BTBD9: variants seen among roughly 807,000 people sequenced by gnomAD.
BTBD9 encodes BTB/POZ domain-containing protein 9.
A neutral mutation model predicts 64.3 loss-of-function variants in BTBD9; 49 were observed. The observed-to-expected ratio is 0.76, with a 90% CI of 0.61 to 0.97. The LOEUF (loss-of-function observed/expected upper bound fraction) is 0.97. BTBD9 is among the 50% of genes least tolerant of loss of function. The pLI is 0.00. For synonymous variants in BTBD9, 260 were observed against 274.7 expected (o/e 0.95, Z 0.53); for missense variants, 598 against 762.1 (o/e 0.78, Z 2.53).
In BTBD9 at chr6:38,592,673, C is replaced by T. The variant is rs41303370; in HGVS notation, c.717G>A (p.Val239=). 6,931 of 1,614,114 alleles carry T rather than the reference C, an allele frequency of 4.3e-3. 27 individuals are homozygous for T. The highest frequency in any genetic ancestry group is 5.0e-3 in the Non-Finnish European group (5,924 of 1,180,026). The change falls in exon 4 of 11, where the codon GTG becomes GTA. Residue 239 remains valine, a synonymous_variant. Coordinates refer to ENST00000481247, the MANE Select transcript of BTBD9 (RefSeq NM_001099272.2). ...LMSLTELLNV[V]RPSGLLSPDA... is the part of the protein sequence containing the mutation. ...CAGGAGACAGCAGTCCTGAAGGCCT[C>T]ACAACATTCAGAAGCTCTGTGAGGC...
chr6:38,362,225 T>G (rs933084489), intron 6 of BTBD9, among the ~76,000 whole-genome samples: 4 of 152,230 alleles, frequency 2.6e-5, no homozygotes, highest in African/African-American at 9.6e-5. Context: ...CAAGAAGCAT[T>G]AATTTCTCCC....
chr6:38,497,354 A>G (rs778026729), intron 6 of BTBD9, among the ~76,000 whole-genome samples: 2 of 152,190 alleles, frequency 1.3e-5, no homozygotes, highest in Non-Finnish European at 2.9e-5. Context: ...TGTGATTTAT[A>G]TTCTCTAATG....
chr6:38,556,998 G>A (rs1775054080), intron 6 of BTBD9, among the ~76,000 whole-genome samples: 4 of 97,100 alleles, frequency 4.1e-5, no homozygotes, highest in Non-Finnish European at 7.3e-5. Flanking sequence ...GGGGAACAGA[G>A]CGAGACTCCA....
chr6:38,602,620 A>G (rs1446701177), intron 1 of BTBD9, among the ~76,000 whole-genome samples: 1 of 152,074 alleles, frequency 6.6e-6, no homozygotes, highest in Non-Finnish European at 1.5e-5. Context: ...CAAATTTTAT[A>G]ATGTTTATTT....
rs190587482 is a variant in BTBD9, at chr6:38,505,432, G to A, written c.1154+72168C>T. On this transcript the variant is annotated intron_variant, in intron 6 of 10. Transcript: ENST00000481247. Reference sequence around the variant, plus strand: ...TTGAGGTCAGGAGTTTGAGATTAGCGAGGCCAACATGGTGAAACCCCACCT... The same window carrying A: ...TTGAGGTCAGGAGTTTGAGATTAGCAAGGCCAACATGGTGAAACCCCACCT... 6.5e-4 allele frequency among the ~76,000 whole-genome samples: 99 copies of A among 151,982 alleles called. 1 individual carries two copies. In the East Asian group the frequency reaches 0.012, roughly 19 times the overall value.
chr6:38,239,146 C>A (rs561252752), intron 9 of BTBD9, among the ~76,000 whole-genome samples: 3 of 152,182 alleles, frequency 2.0e-5, no homozygotes, highest in South Asian at 4.2e-4. Flanking sequence ...CAGATATAAT[C>A]TCTTGGCCAG....
At chr6:38,536,840 A>T (rs1774041254) in intron 6 of BTBD9, among the ~76,000 whole-genome samples, 1 of 152,088 alleles carries the variant, frequency 6.6e-6, no homozygotes, top group Non-Finnish European at 1.5e-5. Context: ...GGGGTGGAGG[A>T]AAGTGGGGAT....
chr6:38,580,475 CTTAT>C (rs1562370489), intron 4 of BTBD9, 38 bp from the exon 5 acceptor site: 6 of 1,509,334 alleles, frequency 4.0e-6, no homozygotes, highest in South Asian at 1.2e-5. Context: ...TTAATGATTA[CTTAT>C]TTATTCTGTA....
At chr6:38,601,399 A>C (rs979331217) in intron 1 of BTBD9, among the ~76,000 whole-genome samples, 2 of 152,208 alleles carry the variant, frequency 1.3e-5, no homozygotes, top group African/African-American at 4.8e-5. Context: ...GTTTCAGTCT[A>C]CCTATGTGTA....
At chr6:38,266,207 T>C (rs1272317167) in intron 8 of BTBD9, among the ~76,000 whole-genome samples, 1 of 152,128 alleles carries the variant, frequency 6.6e-6, no homozygotes, top group Non-Finnish European at 1.5e-5. Context: ...TGACAAACTC[T>C]TTTTTTTCTT....
At chr6:38,337,112 G>T (rs889675562) in intron 7 of BTBD9, among the ~76,000 whole-genome samples, 1 of 152,164 alleles carries the variant, frequency 6.6e-6, no homozygotes, top group Non-Finnish European at 1.5e-5. Flanking sequence ...GGCCCTTAAG[G>T]CCCCTCTGCC....
At position 38,226,834 on chromosome 6, in the gene BTBD9, A is replaced by T. The variant is rs571691744; in HGVS notation, c.1562+29575T>A. ...TAAAGTCATTTGTGGTACCATGGGG[A>T]TCCAATTAACTACAGTCTCTCACAA... is the stretch of plus-strand genomic sequence containing the variant. On this transcript the variant is annotated intron_variant, in intron 9 of 10. Transcript: ENST00000481247. 3.3e-5 allele frequency among the ~76,000 whole-genome samples: 5 copies of T among 152,356 alleles called. No homozygotes were observed. The East Asian group carries it at 9.6e-4, about 29-fold the overall frequency.
chr6:38,371,761 C>G (rs1765438661), intron 6 of BTBD9, among the ~76,000 whole-genome samples: 1 of 152,026 alleles, frequency 6.6e-6, no homozygotes, highest in African/African-American at 2.4e-5. Flanking sequence ...AGGCATGGAC[C>G]CATAGTGAGT....
At chr6:38,599,793 T>C (rs1157609385) in intron 1 of BTBD9, among the ~76,000 whole-genome samples, 1 of 152,216 alleles carries the variant, frequency 6.6e-6, no homozygotes, top group East Asian at 1.9e-4. Context: ...TCTGCCTGCT[T>C]TAGTTAACCT....
chr6:38,482,176 T>C (rs2127381792), intron 6 of BTBD9: 1 of 152,340 alleles, frequency 6.6e-6, no homozygotes, highest in East Asian at 1.9e-4. Flanking sequence ...CTCATTAACA[T>C]TTACTCTTGC....
At chr6:38,617,022 C>T (rs1380590926) in intron 1 of BTBD9, among the ~76,000 whole-genome samples, 3 of 152,164 alleles carry the variant, frequency 2.0e-5, no homozygotes, top group African/African-American at 7.2e-5. Flanking sequence ...CTATTCTGTC[C>T]TATTTTTCCT....
At position 38,339,397 on chromosome 6, in the gene BTBD9, T is replaced by C. The variant is rs137934046; in HGVS notation, c.1264+5587A>G. Reference sequence around the variant, plus strand: ...TGGTGGTATGTGCCTACAGTCCTGTTTGCTACTCAAGAGGATGCCTAGAGC... The same window carrying C: ...TGGTGGTATGTGCCTACAGTCCTGTCTGCTACTCAAGAGGATGCCTAGAGC... On this transcript the variant is annotated intron_variant, in intron 7 of 10. Transcript: ENST00000481247. Among the ~76,000 whole-genome samples the C allele has an allele frequency of 3.5e-3, 525 of 152,162 alleles. 5 individuals carry two copies. Among genetic ancestry groups the C allele is most frequent in the African/African-American group, 0.011 (475 of 41,518 alleles).
At position 38,580,457 on chromosome 6, in the gene BTBD9, A is replaced by C. The variant is rs1242936628; in HGVS notation, c.815-20T>G. ...CTGGTACTACAGTTAAAAATAGAAA[A>C]AGCAAGGTTAATGATTACTTATTTA... On this transcript the variant is annotated intron_variant, in intron 4 of 10. Coordinates refer to ENST00000481247, the MANE Select transcript of BTBD9 (RefSeq NM_001099272.2). 1.3e-6 allele frequency: 2 copies of C among 1,587,642 alleles called. No homozygotes were observed. The highest frequency in any genetic ancestry group is 1.7e-6 in the Non-Finnish European group (2 of 1,157,910).
intron 6 of BTBD9, among the ~76,000 whole-genome samples, chr6:38,397,032 G>A (rs1766713456): frequency 6.6e-6 from 1 of 151,212 alleles, no homozygotes; most frequent in East Asian, 2.0e-4. Flanking sequence ...TTCCCAAGTA[G>A]CAGGGATTAC....
Sources: gnomAD v4.1 joint callset for allele counts (sites outside exome capture counted in the v4.1 genomes callset) on GRCh38, gnomAD v4.1.1 for gene constraint, MANE v1.5 for transcripts, NCBI Gene and HGNC (gene_info 2026-07-23, HGNC 2026-07-21) for gene names.